Variants in MRM2 observed in about 807,000 individuals in gnomAD.
MRM2 encodes the protein rRNA methyltransferase 2, mitochondrial.
Under a neutral mutation model 10.9 loss-of-function variants are expected in MRM2, and 15 were observed. The ratio of observed to expected loss-of-function variants is 1.37; its 90% CI spans 0.92 to 2.11. The LOEUF (loss-of-function observed/expected upper bound fraction) is 2.11, where lower values mean the gene tolerates loss of function less well. Among genes scored for constraint, MRM2 ranks in the 30% most tolerant of loss-of-function variants. MRM2 has a pLI of 0.00. For synonymous variants in MRM2, 139 were observed against 128.7 expected, an observed-to-expected ratio of 1.08 and a Z score of -0.54; for missense variants, 328 against 321.3, an observed-to-expected ratio of 1.02 and a Z score of -0.16.
intron 2 of MRM2, chr7:2,238,793 A>T (rs543556047): frequency 2.6e-5 from 4 of 152,338 alleles, no homozygotes; most frequent in African/African-American, 7.3e-5. Flanking sequence ...AAAAGAAAAA[A>T]TTAGCTGGGT....
intron 2 of MRM2, 59 bp downstream of exon 2, chr7:2,239,359 C>G (rs766816602): frequency 5.9e-5 from 90 of 1,534,328 alleles, no homozygotes; most frequent in Non-Finnish European, 7.7e-5. Context: ...AGGCAGCTTG[C>G]CCATGCCCAC....
At chr7:2,237,778 C>T (rs909938692) in intron 2 of MRM2, among the ~76,000 whole-genome samples, 3 of 150,006 alleles carry the variant, frequency 2.0e-5, no homozygotes, top group Non-Finnish European at 4.4e-5. Context: ...CTCATCTCTA[C>T]TAAACATACA....
intron 1 of MRM2, 63 bp from the exon 2 acceptor site, chr7:2,239,770 G>C (rs1040151097): frequency 2.1e-6 from 3 of 1,463,208 alleles, no homozygotes; most frequent in Non-Finnish European, 2.8e-6. Context: ...CATGAGCTGG[G>C]AGGGCCCTCG....
chr7:2,239,081 T>A, intron 2 of MRM2: 1 of 730,890 alleles, frequency 1.4e-6, no homozygotes, highest in Admixed American at 1.8e-5. Context: ...AGGCTGCAAA[T>A]TAGCAAGAAA....
chr7:2,239,111 T>G (rs903170203), intron 2 of MRM2: 2 of 764,272 alleles, frequency 2.6e-6, no homozygotes, highest in Non-Finnish European at 4.9e-6. Context: ...CAACATCGCT[T>G]TTGAAAATGT....
intron 1 of MRM2, chr7:2,241,842 G>A (rs769761650): frequency 2.5e-4 from 94 of 373,512 alleles, no homozygotes; most frequent in Non-Finnish European, 3.3e-4. Flanking sequence ...GGAGCTACCC[G>A]GCCCAGAAGC....
intron 2 of MRM2, chr7:2,239,133 G>A: frequency 1.3e-6 from 1 of 778,292 alleles, no homozygotes. Flanking sequence ...AGGGATCTAT[G>A]CATGCACAAG....
intron 2 of MRM2, among the ~76,000 whole-genome samples, chr7:2,237,410 G>A (rs917839897): frequency 6.6e-5 from 10 of 152,144 alleles, no homozygotes; most frequent in East Asian, 3.8e-4. Context: ...TGTGACTTCC[G>A]GGAGGACAAG....
At position 2,238,989 on chromosome 7, in the gene MRM2, AT is replaced by A. The variant is rs1562401580; in HGVS notation, c.298+428del. 2.4e-3 allele frequency: 48 copies of A among 20,134 alleles called. 4 individuals are homozygous for A. The highest frequency in any genetic ancestry group is 3.4e-3 in the Admixed American group (4 of 1,178). 1.2% of individuals were successfully genotyped at this position (20,134 alleles called of 1,614,324 possible). A position where few individuals can be genotyped will look rare whatever the true frequency, so the allele number is the denominator to read the frequency against. ...ATAACAATAATAATTATATATATAT[AT>A]ATATATATATATATATATATATATA... On this transcript the variant is annotated intron_variant, in intron 2 of 2. Coordinates refer to ENST00000242257, the MANE Select transcript of MRM2 (RefSeq NM_013393.3).
At position 2,236,017 on chromosome 7, in the gene MRM2, G is replaced by A. The variant is rs529449597; in HGVS notation, c.299-453C>T. On this transcript the variant is annotated intron_variant, in intron 2 of 2. Transcript: ENST00000242257. ...GGCTGACACGGGTGGATCACCTGAG[G>A]TCAGGACTTCGAGACCAGCCTGGCC... Among the ~76,000 whole-genome samples, 3 of 151,742 alleles carry A rather than the reference G, an allele frequency of 2.0e-5. No individual in the cohort carries two copies. In the South Asian group the frequency reaches 6.3e-4, roughly 32 times the overall value.
At chr7:2,235,632 G>T (rs900721274) in intron 2 of MRM2, 68 bp from the exon 3 acceptor site, 7 of 1,062,964 alleles carry the variant, frequency 6.6e-6, no homozygotes, top group Non-Finnish European at 9.6e-6. Flanking sequence ...TACAGTACAT[G>T]CAACAAAGTG....
chr7:2,239,548 G>A lies in MRM2; in HGVS notation c.168C>T (p.Ser56=), dbSNP rs145102163. The change falls in exon 2 of 3, where the codon AGC becomes AGT. Residue 56 remains serine, a synonymous_variant. Transcript: ENST00000242257. The part of the protein sequence containing the change: ...AAKVESYRCR[S]AFKLLEVNER... ...CGTTCACCTCCAGGAGCTTGAAGGC[G>A]CTTCGACACCGGTAACTCTCCACCT... 66 of 1,614,066 alleles carry A rather than the reference G, an allele frequency of 4.1e-5. No individual in the cohort carries two copies. Among genetic ancestry groups the A allele is most frequent in the Middle Eastern group, 3.3e-4 (2 of 6,060 alleles).
At chr7:2,237,278 G>A (rs1401155634) in intron 2 of MRM2, among the ~76,000 whole-genome samples, 5 of 152,220 alleles carry the variant, frequency 3.3e-5, no homozygotes, top group Non-Finnish European at 1.5e-5. Flanking sequence ...GATTACAGGT[G>A]TGAGCCACTG....
At chr7:2,242,122 C>T (rs1235468365) in intron 1 of MRM2, 40 bp downstream of exon 1, 8 of 1,581,726 alleles carry the variant, frequency 5.1e-6, no homozygotes, top group Admixed American at 1.7e-5. Flanking sequence ...CCCCCAACCA[C>T]TCCCGCTGTC....
intron 2 of MRM2, chr7:2,239,186 G>T (rs1408274495): frequency 1.3e-6 from 1 of 780,346 alleles, no homozygotes; most frequent in Admixed American, 1.7e-5. Flanking sequence ...GGTACCTGCG[G>T]GCGGTCTCAT....
chr7:2,239,882 T>C (rs1794490642), intron 1 of MRM2, among the ~76,000 whole-genome samples, 175 bp from the exon 2 acceptor site: 1 of 152,208 alleles, frequency 6.6e-6, no homozygotes. Flanking sequence ...GGCCAAACTG[T>C]GTCCCCGCAA....
chr7:2,237,409 C>T lies in MRM2; in HGVS notation c.299-1845G>A, dbSNP rs73291580. Among the ~76,000 whole-genome samples, 259 of 152,240 alleles carry T rather than the reference C, an allele frequency of 1.7e-3. 1 individual carries two copies. The highest frequency in any genetic ancestry group is 5.9e-3 in the African/African-American group (245 of 41,542). On this transcript the variant is annotated intron_variant, in intron 2 of 2. Transcript: ENST00000242257. ...GCTTTGGCTGCATGCTTGTGACTTC[C>T]GGGAGGACAAGCCCAGGCAGATCAC...
rs565328849 is a variant in MRM2 at position 2,239,001 on chromosome 7, ATATATATATATATATATATATATAT to A, written c.298+392_298+416del. On this transcript the variant is annotated intron_variant, in intron 2 of 2. Coordinates refer to ENST00000242257, the MANE Select transcript of MRM2 (RefSeq NM_013393.3). ...ATTATATATATATATATATATATAT[ATATATATATATATATATATATATAT>A]ATAATACATATATGTATGTATCATT... The A allele has an allele frequency of 1.5e-4, 17 of 114,080 alleles. 3 individuals carry two copies. The highest frequency in any genetic ancestry group is 3.3e-4 in the African/African-American group (9 of 27,266). 7.1% of individuals were successfully genotyped at this position (114,080 alleles called of 1,614,324 possible). A position where few individuals can be genotyped will look rare whatever the true frequency, so the allele number is the denominator to read the frequency against.
chr7:2,237,438 C>T (rs1794437358), intron 2 of MRM2, among the ~76,000 whole-genome samples: 1 of 152,184 alleles, frequency 6.6e-6, no homozygotes, highest in South Asian at 2.1e-4. Context: ...AGATCACGCT[C>T]ACGCTCTCTC....
Sources: allele counts gnomAD v4.1 joint callset (sites outside exome capture counted in the v4.1 genomes callset), GRCh38; gene constraint gnomAD v4.1.1; transcripts MANE v1.5; gene names NCBI Gene and HGNC (gene_info 2026-07-23, HGNC 2026-07-21).